PXDNL: variants seen among roughly 807,000 people sequenced by gnomAD.
The protein encoded by PXDNL is probable oxidoreductase PXDNL.
Under a neutral mutation model 150.8 loss-of-function variants are expected in PXDNL, and 145 were observed. That is an observed-to-expected ratio of 0.96 (90% CI 0.84 to 1.10). PXDNL has a LOEUF of 1.10. Ranked by LOEUF, PXDNL falls within the 50% of genes least tolerant of loss-of-function variation. The pLI, the probability that PXDNL is intolerant of heterozygous loss-of-function variation, is 0.00. For synonymous variants in PXDNL, 757 were observed against 725.7 expected (o/e 1.04, Z -0.69); for missense variants, 2,087 against 1,873.9 (o/e 1.11, Z -2.10).
In PXDNL at chr8:51,449,019, A is replaced by G. The variant is rs965006423; in HGVS notation, c.1349T>C (p.Ile450Thr). The change falls in exon 11 of 23, where the codon ATT becomes ACT. Residue 450 changes from isoleucine to threonine, a missense_variant. Transcript: ENST00000356297. ...TCTAATACCTGTTTTTGTCCAGACA[A>G]TAACAGGAGGTGGGTTGCCGTCAGC... Reference protein sequence around the residue: ...CEADGNPPPVIVWTKTGGQLP... With the variant: ...CEADGNPPPVTVWTKTGGQLP... 1 of 1,544,098 alleles carries G rather than the reference A, an allele frequency of 6.5e-7. No homozygotes were observed. The highest frequency in any genetic ancestry group is 8.8e-7 in the Non-Finnish European group (1 of 1,139,820).
intron 3 of PXDNL, among the ~76,000 whole-genome samples, chr8:51,561,633 A>C (rs550147775): frequency 2.6e-4 from 40 of 152,092 alleles, no homozygotes; most frequent in Non-Finnish European, 4.3e-4. Flanking sequence ...AAGAAGACAA[A>C]TACTATGTGA....
At chr8:51,328,202 G>C (rs1229192062) in intron 21 of PXDNL, among the ~76,000 whole-genome samples, 1 of 152,228 alleles carries the variant, frequency 6.6e-6, no homozygotes, top group Non-Finnish European at 1.5e-5. Flanking sequence ...CAGCCTGTCA[G>C]GCCAAGATTT....
chr8:51,630,367 A>C (rs1189943333), intron 2 of PXDNL, among the ~76,000 whole-genome samples: 2 of 152,202 alleles, frequency 1.3e-5, no homozygotes, highest in Admixed American at 1.3e-4. Context: ...TTCTGGACAT[A>C]GGCCTTGGCA....
At chr8:51,429,500 G>C (rs563738182) in intron 12 of PXDNL, among the ~76,000 whole-genome samples, 6 of 152,226 alleles carry the variant, frequency 3.9e-5, no homozygotes, top group African/African-American at 1.4e-4. Context: ...AGAATTGCTT[G>C]AACTGGGGAG....
chr8:51,456,907 A>G (rs1204310982), intron 9 of PXDNL, among the ~76,000 whole-genome samples: 3 of 152,200 alleles, frequency 2.0e-5, no homozygotes, highest in African/African-American at 7.2e-5. Context: ...TACACATCAT[A>G]AAACTTATTT....
chr8:51,788,778 C>T (rs911174628), intron 1 of PXDNL, among the ~76,000 whole-genome samples: 1 of 152,162 alleles, frequency 6.6e-6, no homozygotes, highest in Non-Finnish European at 1.5e-5. Flanking sequence ...TTCAGCTTTT[C>T]TGGAAAAAAC....
chr8:51,364,117 ACT>A (rs1263384925), intron 19 of PXDNL, among the ~76,000 whole-genome samples: 3 of 152,142 alleles, frequency 2.0e-5, no homozygotes, highest in African/African-American at 7.2e-5. Flanking sequence ...CCACTAATAA[ACT>A]CTGACATAAC....
intron 1 of PXDNL, among the ~76,000 whole-genome samples, chr8:51,692,162 A>G (rs926965079): frequency 1.3e-5 from 2 of 152,116 alleles, no homozygotes; most frequent in Admixed American, 6.5e-5. Context: ...TTATTATTCA[A>G]TTCTTTCTGT....
chr8:51,513,243 G>A (rs958953483), intron 4 of PXDNL, among the ~76,000 whole-genome samples: 1 of 152,210 alleles, frequency 6.6e-6, no homozygotes, highest in South Asian at 2.1e-4. Flanking sequence ...TCCAGATGAG[G>A]CTGTGCACTT....
At chr8:51,504,006 G>A (rs1016567392) in intron 4 of PXDNL, among the ~76,000 whole-genome samples, 1 of 152,034 alleles carries the variant, frequency 6.6e-6, no homozygotes, top group Non-Finnish European at 1.5e-5. Context: ...CTCAATTTAT[G>A]GCACTGCTGT....
intron 16 of PXDNL, among the ~76,000 whole-genome samples, chr8:51,410,338 CAG>C (rs1808591396): frequency 6.6e-6 from 1 of 152,228 alleles, no homozygotes; most frequent in African/African-American, 2.4e-5. Context: ...ATTTAATCTT[CAG>C]AAACTGGCAA....
intron 19 of PXDNL, among the ~76,000 whole-genome samples, chr8:51,350,652 G>A (rs1434731197): frequency 6.6e-6 from 1 of 152,012 alleles, no homozygotes; most frequent in Non-Finnish European, 1.5e-5. Flanking sequence ...ATCGCGCCCA[G>A]CCGCAAATGC....
chr8:51,570,312 G>T (rs971682310), intron 3 of PXDNL, among the ~76,000 whole-genome samples: 3 of 151,836 alleles, frequency 2.0e-5, no homozygotes, highest in Non-Finnish European at 2.9e-5. Context: ...CCACCCATCC[G>T]GAGAGATGCA....
intron 1 of PXDNL, among the ~76,000 whole-genome samples, chr8:51,738,917 T>C (rs941540955): frequency 2.9e-4 from 25 of 85,054 alleles, no homozygotes; most frequent in African/African-American, 6.9e-4. Flanking sequence ...ACAACAAAAT[T>C]AGTCGAAAAT....
intron 9 of PXDNL, among the ~76,000 whole-genome samples, chr8:51,454,899 T>C (rs1195734000): frequency 6.6e-6 from 1 of 151,996 alleles, no homozygotes; most frequent in Non-Finnish European, 1.5e-5. Flanking sequence ...TCGGAAAGAA[T>C]TGTCTCAGAG....
At chr8:51,470,122 G>GA (rs1379213786) in intron 8 of PXDNL, among the ~76,000 whole-genome samples, 1 of 152,026 alleles carries the variant, frequency 6.6e-6, no homozygotes, top group Non-Finnish European at 1.5e-5. Flanking sequence ...TAAGAAAGCA[G>GA]AAAAAGCAGT....
chr8:51,410,679 A>T (rs986589310), intron 16 of PXDNL, among the ~76,000 whole-genome samples: 1 of 152,250 alleles, frequency 6.6e-6, no homozygotes, highest in African/African-American at 2.4e-5. Context: ...ATTTCATTTG[A>T]AAGAGAACAA....
In PXDNL at chr8:51,403,098, AAAAAAG is replaced by A. The variant is rs570406838; in HGVS notation, c.3557+4963_3557+4968del. Among the ~76,000 whole-genome samples, 299 of 150,722 alleles carry A rather than the reference AAAAAAG, an allele frequency of 2.0e-3. 9 individuals carry two copies. In the East Asian group the frequency reaches 0.047, roughly 24 times the overall value. On this transcript the variant is annotated intron_variant, in intron 17 of 22. Coordinates refer to ENST00000356297, the MANE Select transcript of PXDNL (RefSeq NM_144651.5). ...GCCAAACTCCCTCTCCAAAAAAAAA[AAAAAAG>A]AAAAAGAAAAAGAAAAAAAAAGAAA...
intron 4 of PXDNL, among the ~76,000 whole-genome samples, chr8:51,531,211 G>C (rs1017002910): frequency 1.3e-5 from 2 of 152,172 alleles, no homozygotes; most frequent in Non-Finnish European, 2.9e-5. Context: ...CTACCAAATT[G>C]CTTAACCAAG....
Sources: gnomAD v4.1 joint callset for allele counts (sites outside exome capture counted in the v4.1 genomes callset) on GRCh38, gnomAD v4.1.1 for gene constraint, MANE v1.5 for transcripts, NCBI Gene and HGNC (gene_info 2026-07-23, HGNC 2026-07-21) for gene names.